SUCLA2: variants seen among roughly 807,000 people sequenced by gnomAD.
SUCLA2 encodes the protein succinate-CoA ligase ADP-forming subunit beta, also known as succinate--CoA ligase [ADP-forming] subunit beta, mitochondrial.
SUCLA2 carries 30 observed loss-of-function variants against 54.8 expected under a neutral mutation model. That is an observed-to-expected ratio of 0.55 (90% CI 0.41 to 0.74). The LOEUF is 0.74. Among genes scored for constraint, SUCLA2 ranks in the 30% least tolerant of loss-of-function variants. SUCLA2 has a pLI of 0.00. For synonymous variants in SUCLA2, 172 were observed against 188.9 expected (o/e 0.91, Z 0.74); for missense variants, 476 against 562.9 (o/e 0.85, Z 1.56).
intron 5 of SUCLA2, among the ~76,000 whole-genome samples, chr13:47,971,139 G>A (rs1209773466): frequency 3.9e-5 from 6 of 151,988 alleles, no homozygotes; most frequent in Admixed American, 2.6e-4. Flanking sequence ...TAGGCCAGGC[G>A]CGGCGGCTCA....
At chr13:47,956,907 T>C (rs1464810132) in intron 6 of SUCLA2, 1 of 152,168 alleles carries the variant, frequency 6.6e-6, no homozygotes, top group Non-Finnish European at 1.5e-5. Flanking sequence ...AACAAAAATA[T>C]ATGAGCAAAT....
chr13:47,943,764 G>GTATATATATATATATATATATATATA lies in SUCLA2; in HGVS notation c.1318-320_1318-319insTATATATATATATATATATATATATA, dbSNP rs1366859649. On this transcript the variant is annotated intron_variant, in intron 10 of 10. Coordinates refer to ENST00000646932, the MANE Select transcript of SUCLA2 (RefSeq NM_003850.3). ...TATGTATGTGTGTGTGTGTGTGTGT[G>GTATATATATATATATATATATATATA]TGTATATATATATATATTATTCTAA... Among the ~76,000 whole-genome samples the GTATATATATATATATATATATATATA allele has an allele frequency of 2.5e-3, 339 of 137,822 alleles. 2 individuals carry two copies. The highest frequency in any genetic ancestry group is 0.015 in the East Asian group (68 of 4,544). The allele number at this position is 137,822 out of a possible 152,430, so 90.4% of individuals were successfully genotyped here.
At chr13:47,982,158 T>C (rs1298834051) in intron 4 of SUCLA2, among the ~76,000 whole-genome samples, 1 of 152,210 alleles carries the variant, frequency 6.6e-6, no homozygotes, top group Non-Finnish European at 1.5e-5. Context: ...CTATGTTCAC[T>C]GTAGCATTAC....
intron 2 of SUCLA2, among the ~76,000 whole-genome samples, chr13:47,995,435 C>A (rs1394229563): frequency 1.3e-5 from 2 of 152,064 alleles, no homozygotes; most frequent in African/African-American, 4.8e-5. Flanking sequence ...AACAACAAAA[C>A]TATAAATGAA....
At chr13:47,985,798 T>C (rs948655110) in intron 4 of SUCLA2, among the ~76,000 whole-genome samples, 1 of 152,174 alleles carries the variant, frequency 6.6e-6, no homozygotes, top group Non-Finnish European at 1.5e-5. Flanking sequence ...CTCTAGGTCT[T>C]TGAGGAATTG....
At chr13:47,955,867 T>C (rs1949816609) in intron 6 of SUCLA2, among the ~76,000 whole-genome samples, 1 of 152,150 alleles carries the variant, frequency 6.6e-6, no homozygotes, top group African/African-American at 2.4e-5. Context: ...GATACAGGGT[T>C]GAAAGAAGCA....
chr13:47,988,112 T>TAA (rs796167254), intron 4 of SUCLA2: 74 of 155,856 alleles, frequency 4.7e-4, no homozygotes, highest in South Asian at 9.8e-4. Flanking sequence ...CCGAAACTAT[T>TAA]AAAAAAAAAA....
Position 47,979,515 on chromosome 13 carries a change from A to G in SUCLA2, c.535-6123T>C, listed in dbSNP as rs570606049. Among the ~76,000 whole-genome samples, 469 of 152,340 alleles carry G rather than the reference A, an allele frequency of 3.1e-3. 2 individuals are homozygous for G. Among genetic ancestry groups the G allele is most frequent in the Non-Finnish European group, 5.3e-3 (360 of 68,030 alleles). ...GGTGGGGGGCTAGGGCAGAGATAGC[A>G]TCAGGAGAAATACCTAATGTAGATG... is the stretch of plus-strand genomic sequence containing the variant. On this transcript the variant is annotated intron_variant, in intron 4 of 10. Transcript: ENST00000646932.
chr13:47,967,707 G>A (rs999129798), intron 6 of SUCLA2, among the ~76,000 whole-genome samples: 4 of 151,892 alleles, frequency 2.6e-5, no homozygotes, highest in Non-Finnish European at 5.9e-5. Context: ...ATCCAGGCGC[G>A]GTGGTGCATG....
At chr13:47,950,643 C>T (rs112656069) in intron 8 of SUCLA2, among the ~76,000 whole-genome samples, 49 of 152,244 alleles carry the variant, frequency 3.2e-4, no homozygotes, top group African/African-American at 1.2e-3. Flanking sequence ...CTATCCTTTC[C>T]AAATAATCTC....
In SUCLA2 at chr13:48,001,255, C is replaced by T. The variant is rs199738859; in HGVS notation, c.15G>A (p.Met5Ile). The T allele has an allele frequency of 3.4e-5, 55 of 1,603,784 alleles. No homozygotes were observed. The highest frequency in any genetic ancestry group is 8.0e-5 in the African/African-American group (6 of 74,774). Residue 5 changes from methionine to isoleucine, a missense_variant, in exon 1 of 11, where the codon ATG becomes ATA. This residue lies in a region of SUCLA2 where 134 missense variants were observed against 118.7 expected (regional missense o/e 1.13). Coordinates refer to ENST00000646932, the MANE Select transcript of SUCLA2 (RefSeq NM_003850.3). Reference protein sequence around the residue: MAASMFYGRLVAVAT... With the variant: MAASIFYGRLVAVAT... The stretch of plus-strand genomic sequence containing the variant: ...CCACGGCCACTAGCCTGCCGTAGAA[C>T]ATGGAGGCCGCCATTTCTGAGTCGG...
rs1466802405 is a variant in SUCLA2, at chr13:47,979,476, G to A, written c.535-6084C>T. Among the ~76,000 whole-genome samples, 7 of 152,182 alleles carry A rather than the reference G, an allele frequency of 4.6e-5. No individual in the cohort carries two copies. The East Asian group carries it at 5.8e-4, about 13-fold the overall frequency. On this transcript the variant is annotated intron_variant, in intron 4 of 10. Transcript: ENST00000646932. ...CACAGGGAGTGGAACATCACACACC[G>A]GGGCCTGTCGGGGGGTGGGGGGCTA...
intron 4 of SUCLA2, among the ~76,000 whole-genome samples, chr13:47,984,334 C>G (rs1371280468): frequency 6.7e-6 from 1 of 149,884 alleles, no homozygotes; most frequent in Non-Finnish European, 1.5e-5. Context: ...GCTGGGACTA[C>G]AGGCACCCCC....
intron 4 of SUCLA2, among the ~76,000 whole-genome samples, chr13:47,979,247 C>A (rs1950042216): frequency 6.6e-6 from 1 of 152,106 alleles, no homozygotes; most frequent in Admixed American, 6.5e-5. Context: ...CCCAAATGCC[C>A]ATCAGTGATA....
intron 6 of SUCLA2, among the ~76,000 whole-genome samples, chr13:47,959,070 T>C (rs1050145385): frequency 2.8e-4 from 42 of 152,182 alleles, no homozygotes; most frequent in Admixed American, 6.5e-5. Flanking sequence ...GCTAATATAG[T>C]TCAGGACTGC....
intron 4 of SUCLA2, among the ~76,000 whole-genome samples, chr13:47,977,100 C>T (rs185967574): frequency 5.8e-4 from 88 of 151,092 alleles, no homozygotes; most frequent in African/African-American, 2.0e-3. Context: ...ACTGAAATAA[C>T]AAAAATCAGA....
chr13:47,959,764 T>C (rs9562790), intron 6 of SUCLA2, among the ~76,000 whole-genome samples: 12,877 of 152,260 alleles, frequency 0.085, 726 homozygotes, highest in South Asian at 0.18. Context: ...ATTTGGCTAA[T>C]TAACATTTCA....
intron 6 of SUCLA2, among the ~76,000 whole-genome samples, chr13:47,955,975 A>G (rs1949817422): frequency 1.3e-5 from 2 of 152,224 alleles, no homozygotes; most frequent in Non-Finnish European, 2.9e-5. Flanking sequence ...TCAGAGGAAG[A>G]TAACAGAATT....
At chr13:47,990,321 C>T (rs1950139387) in intron 2 of SUCLA2, among the ~76,000 whole-genome samples, 1 of 152,166 alleles carries the variant, frequency 6.6e-6, no homozygotes, top group Non-Finnish European at 1.5e-5. Flanking sequence ...GCACTCCAGC[C>T]TGGAGGACAG....
Sources: allele counts gnomAD v4.1 joint callset (sites outside exome capture counted in the v4.1 genomes callset), GRCh38; gene constraint gnomAD v4.1.1; regional missense constraint gnomAD v4.1.1; transcripts MANE v1.5; gene names NCBI Gene and HGNC (gene_info 2026-07-23, HGNC 2026-07-21).